Variants in AUTS2 observed in about 807,000 individuals in gnomAD.
AUTS2 encodes activator of transcription and developmental regulator AUTS2, also known as autism susceptibility gene 2 protein.
Under a neutral mutation model 112.4 loss-of-function variants are expected in AUTS2, and 17 were observed. That is an observed-to-expected ratio of 0.15 (90% CI 0.10 to 0.23). The LOEUF (loss-of-function observed/expected upper bound fraction) is 0.23. Ranked by LOEUF, AUTS2 falls within the 10% of genes least tolerant of loss-of-function variation. The pLI, the probability that AUTS2 is intolerant of heterozygous loss-of-function variation, is 1.00. For synonymous variants in AUTS2, 751 were observed against 702.7 expected (o/e 1.07, Z -1.09); for missense variants, 1,510 against 1,701.6 (o/e 0.89, Z 1.98).
chr7:69,606,568 T>A (rs1186969887), intron 1 of AUTS2, among the ~76,000 whole-genome samples: 3 of 152,230 alleles, frequency 2.0e-5, no homozygotes. Context: ...CATGCTGTTT[T>A]TTTCCTCCTC....
At chr7:70,437,008 C>G (rs1288245426) in intron 5 of AUTS2, 2 of 152,272 alleles carry the variant, frequency 1.3e-5, no homozygotes, top group African/African-American at 2.4e-5. Context: ...TGCATGTCCC[C>G]CAGATAAGAA....
intron 1 of AUTS2, among the ~76,000 whole-genome samples, chr7:69,739,744 A>C (rs775413610): frequency 1.3e-5 from 2 of 152,196 alleles, no homozygotes; most frequent in Non-Finnish European, 2.9e-5. Flanking sequence ...TGGCTCTTTG[A>C]GGCTTTAACT....
intron 1 of AUTS2, among the ~76,000 whole-genome samples, chr7:69,671,486 GGTGT>G (rs201047003): frequency 0.014 from 1,931 of 138,596 alleles, 27 homozygotes; most frequent in African/African-American, 0.021. Flanking sequence ...TGCTGCTGCT[GGTGT>G]GTGTGTGTGT....
intron 5 of AUTS2, among the ~76,000 whole-genome samples, chr7:70,570,524 A>G (rs1801894097): frequency 6.6e-6 from 1 of 152,130 alleles, no homozygotes; most frequent in Non-Finnish European, 1.5e-5. Context: ...GTCCACCTAT[A>G]AGATTTTGAA....
intron 1 of AUTS2, among the ~76,000 whole-genome samples, chr7:69,855,017 A>C (rs936334611): frequency 1.3e-5 from 2 of 152,184 alleles, no homozygotes; most frequent in African/African-American, 4.8e-5. Context: ...GCAAATAGAG[A>C]CTTTATTGAT....
In AUTS2 at chr7:70,764,940, C is replaced by T. The variant is rs776933516; in HGVS notation, c.1403C>T (p.Pro468Leu). Residue 468 changes from proline to leucine, a missense_variant, in exon 8 of 19, where the codon CCT becomes CTT. By Grantham distance (98) the Pro-to-Leu change is moderately conservative. This residue lies in a region of AUTS2 where 535 missense variants were observed against 594.3 expected (regional missense o/e 0.90). Transcript: ENST00000342771. ...TTTGCCCCTCCCACTGCTCTGCCTC[C>T]TCCACCACCACTGACATCAGGAAGT... ...NMFAPPTALPPPPPLTSGSLQ... is the reference protein window; with the variant it reads ...NMFAPPTALPLPPPLTSGSLQ... 1 of 1,613,106 alleles carries T rather than the reference C, an allele frequency of 6.2e-7. No homozygotes were observed.
intron 5 of AUTS2, among the ~76,000 whole-genome samples, chr7:70,655,430 C>A (rs2129542199): frequency 6.6e-6 from 1 of 152,330 alleles, no homozygotes; most frequent in East Asian, 1.9e-4. Flanking sequence ...ACCCTTCCAC[C>A]TTCCTATGCT....
At chr7:69,614,088 G>A (rs1793191221) in intron 1 of AUTS2, among the ~76,000 whole-genome samples, 2 of 152,088 alleles carry the variant, frequency 1.3e-5, no homozygotes, top group South Asian at 4.2e-4. Context: ...ACATTTTTGA[G>A]AAGGCTCCTC....
intron 4 of AUTS2, among the ~76,000 whole-genome samples, chr7:70,345,799 G>A (rs1327933718): frequency 1.3e-5 from 2 of 152,164 alleles, no homozygotes; most frequent in African/African-American, 4.8e-5. Flanking sequence ...GAATGGAGTA[G>A]ACCTAATTAT....
intron 4 of AUTS2, among the ~76,000 whole-genome samples, chr7:70,360,377 C>T (rs1217265121): frequency 6.6e-6 from 1 of 152,190 alleles, no homozygotes; most frequent in Non-Finnish European, 1.5e-5. Context: ...AAACTCCTGG[C>T]CTCAAGTGAT....
At chr7:70,502,880 T>C (rs1369553811) in intron 5 of AUTS2, among the ~76,000 whole-genome samples, 1 of 150,974 alleles carries the variant, frequency 6.6e-6, no homozygotes, top group African/African-American at 2.4e-5. Context: ...TTCCAAGATA[T>C]CATGTACCCT....
chr7:70,482,697 A>G (rs931948393), intron 5 of AUTS2, among the ~76,000 whole-genome samples: 1 of 152,212 alleles, frequency 6.6e-6, no homozygotes, highest in Non-Finnish European at 1.5e-5. Flanking sequence ...TAGAGTGCTT[A>G]TCCCAACGTC....
At chr7:70,511,783 C>T (rs1799207076) in intron 5 of AUTS2, among the ~76,000 whole-genome samples, 1 of 151,808 alleles carries the variant, frequency 6.6e-6, no homozygotes, top group Non-Finnish European at 1.5e-5. Flanking sequence ...ACCACGTTGG[C>T]CAGGCTGGTC....
intron 1 of AUTS2, among the ~76,000 whole-genome samples, chr7:69,785,200 C>T (rs920204030): frequency 2.0e-5 from 3 of 152,180 alleles, no homozygotes; most frequent in Admixed American, 2.0e-4. Flanking sequence ...GGAATGCTAG[C>T]ATGCATAGGG....
chr7:70,026,623 G>C (rs1418038763), intron 2 of AUTS2, among the ~76,000 whole-genome samples: 1 of 152,154 alleles, frequency 6.6e-6, no homozygotes, highest in South Asian at 2.1e-4. Context: ...GTTTTGTCTC[G>C]ACAAGTTGGG....
At chr7:70,063,428 C>T (rs1484587983) in intron 2 of AUTS2, among the ~76,000 whole-genome samples, 3 of 152,102 alleles carry the variant, frequency 2.0e-5, no homozygotes, top group Non-Finnish European at 4.4e-5. Flanking sequence ...GAGTCTTAAA[C>T]CCAAGCAAGT....
intron 5 of AUTS2, among the ~76,000 whole-genome samples, chr7:70,690,284 A>C (rs1808689696): frequency 6.6e-6 from 1 of 152,254 alleles, no homozygotes; most frequent in Admixed American, 6.5e-5. Flanking sequence ...AGAACTTGAA[A>C]AGAATGGAGA....
At chr7:70,629,857 C>G (rs1257848238) in intron 5 of AUTS2, among the ~76,000 whole-genome samples, 1 of 151,748 alleles carries the variant, frequency 6.6e-6, no homozygotes, top group Non-Finnish European at 1.5e-5. Context: ...CTCTCATATT[C>G]TCCTTGATAT....
At chr7:70,684,676 G>A (rs1808382322) in intron 5 of AUTS2, among the ~76,000 whole-genome samples, 1 of 151,954 alleles carries the variant, frequency 6.6e-6, no homozygotes, top group African/African-American at 2.4e-5. Context: ...GTGGTATGGT[G>A]TGTTGTGGTA....
Sources: gnomAD v4.1 joint callset for allele counts (sites outside exome capture counted in the v4.1 genomes callset) on GRCh38, gnomAD v4.1.1 for gene constraint, gnomAD v4.1.1 regional missense constraint, MANE v1.5 for transcripts, NCBI Gene and HGNC (gene_info 2026-07-23, HGNC 2026-07-21) for gene names.